Variants in DOCK7 observed in about 807,000 individuals in gnomAD.
DOCK7 encodes the protein dedicator of cytokinesis 7.
DOCK7 carries 138 observed loss-of-function variants against 271.0 expected under a neutral mutation model. The observed-to-expected ratio is 0.51, with a 90% CI of 0.44 to 0.59. The LOEUF is 0.59. Among genes scored for constraint, DOCK7 ranks in the 20% least tolerant of loss-of-function variants. The pLI is 0.00. For synonymous variants in DOCK7, 823 were observed against 876.1 expected (o/e 0.94, Z 1.07); for missense variants, 2,066 against 2,592.4 (o/e 0.80, Z 4.41).
intron 1 of DOCK7, among the ~76,000 whole-genome samples, chr1:62,668,928 A>T (rs1271477531): frequency 1.3e-5 from 2 of 150,846 alleles, no homozygotes; most frequent in Non-Finnish European, 3.0e-5. Flanking sequence ...TTGCCTCAAA[A>T]AAAAAAAAAA....
intron 43 of DOCK7, among the ~76,000 whole-genome samples, chr1:62,480,833 C>A (rs950251061): frequency 2.6e-5 from 4 of 152,090 alleles, no homozygotes; most frequent in African/African-American, 4.8e-5. Context: ...CACGGTGAAA[C>A]CCTGTCTCTA....
At chr1:62,497,867 G>C (rs1260584868) in intron 37 of DOCK7, among the ~76,000 whole-genome samples, 2 of 152,126 alleles carry the variant, frequency 1.3e-5, no homozygotes, top group African/African-American at 2.4e-5. Context: ...AGTAGGCACT[G>C]AGAGTATAGT....
chr1:62,499,811 TTGAGGC>T (rs1557631218), intron 37 of DOCK7, among the ~76,000 whole-genome samples: 1 of 151,934 alleles, frequency 6.6e-6, no homozygotes, highest in Non-Finnish European at 1.5e-5. Flanking sequence ...CCCAGGAGTT[TTGAGGC>T]TGCAATGAGC....
intron 18 of DOCK7, among the ~76,000 whole-genome samples, chr1:62,566,188 A>C (rs1195423946): frequency 1.3e-5 from 2 of 152,208 alleles, no homozygotes; most frequent in Non-Finnish European, 2.9e-5. Context: ...TCTTCAGAGA[A>C]CTGGAAAAAC....
chr1:62,552,253 T>C (rs2149420809), intron 22 of DOCK7, among the ~76,000 whole-genome samples: 1 of 152,230 alleles, frequency 6.6e-6, no homozygotes, highest in Non-Finnish European at 1.5e-5. Context: ...GCAGCTGCCA[T>C]AGTACTCAGG....
chr1:62,467,553 G>A (rs1645714937), intron 48 of DOCK7, among the ~76,000 whole-genome samples: 1 of 152,298 alleles, frequency 6.6e-6, no homozygotes, highest in Middle Eastern at 3.4e-3. Context: ...AGAAACTAAA[G>A]CAAGTGGTGG....
intron 30 of DOCK7, 99 bp from the exon 31 acceptor site, chr1:62,528,404 T>C: frequency 1.8e-6 from 2 of 1,108,338 alleles, no homozygotes; most frequent in Non-Finnish European, 2.5e-6. Flanking sequence ...CTTGTTGACA[T>C]GTTATAGTTA....
chr1:62,505,819 G>C lies in DOCK7; in HGVS notation c.4477-3C>G. On this transcript the variant is annotated splice_region_variant and splice_polypyrimidine_tract_variant and intron_variant, in intron 35 of 49. Coordinates refer to ENST00000635253, the MANE Select transcript of DOCK7 (RefSeq NM_001367561.1). ...TTGGATTCCGTTACAGAAACGGTCT[G>C]CAATTTAAAAATAAACAAATAAAAT... 6.2e-7 allele frequency: 1 copy of C among 1,607,948 alleles called. No homozygotes were observed. Among genetic ancestry groups the C allele is most frequent in the Non-Finnish European group, 8.5e-7 (1 of 1,177,848 alleles).
In DOCK7 at chr1:62,539,845, A is replaced by G; in HGVS notation, c.3093T>C (p.Ala1031=). The part of the protein sequence containing the change: ...HHLYFNDKLE[A]PRKSRFPERF... Reference sequence around the variant, plus strand: ...GTTCTGGAAAACGACTTTTCCTTGGAGCCTCAAGTTTATCATTAAAGTATA... The same window carrying G: ...GTTCTGGAAAACGACTTTTCCTTGGGGCCTCAAGTTTATCATTAAAGTATA... Residue 1031 remains alanine, a synonymous_variant, in exon 26 of 50, where the codon GCT becomes GCC. Transcript: ENST00000635253. 1 of 1,613,460 alleles carries G rather than the reference A, an allele frequency of 6.2e-7. No homozygotes were observed. Among genetic ancestry groups the G allele is most frequent in the Non-Finnish European group, 8.5e-7 (1 of 1,179,650 alleles).
chr1:62,688,164 T>A (rs1010410059), intron 1 of DOCK7, 63 bp downstream of exon 1: 80 of 1,315,134 alleles, frequency 6.1e-5, no homozygotes, highest in Non-Finnish European at 7.6e-5. Context: ...AGGCCAGGCC[T>A]GGGAGGACTC....
At chr1:62,626,326 C>T (rs969161409) in intron 11 of DOCK7, among the ~76,000 whole-genome samples, 5 of 150,998 alleles carry the variant, frequency 3.3e-5, no homozygotes, top group African/African-American at 4.9e-5. Flanking sequence ...CTACAAACTA[C>T]AAAAGAAGAG....
chr1:62,541,167 A>T (rs1226240732), intron 25 of DOCK7, among the ~76,000 whole-genome samples: 1 of 147,876 alleles, frequency 6.8e-6, no homozygotes, highest in Non-Finnish European at 1.5e-5. Context: ...GACGAAGGTG[A>T]AGAAGACGGT....
At position 62,621,186 on chromosome 1, in the gene DOCK7, G is replaced by A. The variant is rs148229190; in HGVS notation, c.1426-1193C>T. ...TTAGACGAGGGAGGGAGGGGGAGGA[G>A]GAATAGGAGGAGGAAGAAACTACTG... On this transcript the variant is annotated intron_variant, in intron 12 of 49. Coordinates refer to ENST00000635253, the MANE Select transcript of DOCK7 (RefSeq NM_001367561.1). Among the ~76,000 whole-genome samples, 469 of 151,836 alleles carry A rather than the reference G, an allele frequency of 3.1e-3. 2 individuals are homozygous for A. The highest frequency in any genetic ancestry group is 0.011 in the African/African-American group (452 of 41,392).
intron 49 of DOCK7, 33 bp downstream of exon 49, chr1:62,457,505 A>G (rs751494375): frequency 1.3e-6 from 2 of 1,591,162 alleles, no homozygotes; most frequent in African/African-American, 1.4e-5. Flanking sequence ...TTCAGAGGAA[A>G]GAATATCTAA....
At chr1:62,587,477 A>G (rs1425548538) in intron 14 of DOCK7, among the ~76,000 whole-genome samples, 1 of 152,122 alleles carries the variant, frequency 6.6e-6, no homozygotes, top group East Asian at 1.9e-4. Context: ...TTAAATGAAC[A>G]TAACACTTTG....
intron 36 of DOCK7, among the ~76,000 whole-genome samples, chr1:62,505,478 C>T (rs1388963671): frequency 2.0e-5 from 3 of 151,914 alleles, no homozygotes; most frequent in Non-Finnish European, 2.9e-5. Flanking sequence ...AAAGGTGATT[C>T]GAATAAATGA....
At chr1:62,552,570 G>A (rs998221074) in intron 22 of DOCK7, among the ~76,000 whole-genome samples, 162 bp downstream of exon 22, 19 of 152,230 alleles carry the variant, frequency 1.2e-4, no homozygotes, top group African/African-American at 4.3e-4. Flanking sequence ...ATATTTAACA[G>A]AAAAATAAAA....
At chr1:62,593,484 C>T (rs1422379118) in intron 14 of DOCK7, among the ~76,000 whole-genome samples, 1 of 152,076 alleles carries the variant, frequency 6.6e-6, no homozygotes, top group South Asian at 2.1e-4. Context: ...ACAGGAGAAT[C>T]GCTTGAACCC....
intron 6 of DOCK7, 84 bp downstream of exon 6, chr1:62,648,022 C>A: frequency 7.6e-7 from 1 of 1,309,334 alleles, no homozygotes. Flanking sequence ...TTATCCTCTA[C>A]ATTTTGTAAT....
Sources: gnomAD v4.1 joint callset for allele counts (sites outside exome capture counted in the v4.1 genomes callset) on GRCh38, gnomAD v4.1.1 for gene constraint, MANE v1.5 for transcripts, NCBI Gene and HGNC (gene_info 2026-07-23, HGNC 2026-07-21) for gene names.